KIT: variants seen among roughly 807,000 people sequenced by gnomAD.
The protein encoded by KIT is KIT proto-oncogene, receptor tyrosine kinase.
KIT carries 16 observed loss-of-function variants against 105.7 expected under a neutral mutation model. The ratio of observed to expected loss-of-function variants is 0.15; its 90% confidence interval spans 0.10 to 0.23. KIT has a LOEUF of 0.23. KIT is among the 10% of genes least tolerant of loss of function. The pLI is 1.00. For missense variants in KIT, 858 were observed against 1,213.8 expected, an observed-to-expected ratio of 0.71 and a Z score of 4.36; for synonymous variants, 438 against 441.1, an observed-to-expected ratio of 0.99 and a Z score of 0.09.
At chr4:54,712,730 G>T (rs1370444307) in intron 7 of KIT, among the ~76,000 whole-genome samples, 2 of 152,232 alleles carry the variant, frequency 1.3e-5, no homozygotes, top group East Asian at 3.9e-4. Flanking sequence ...TATCTTCTTG[G>T]ATTGCCTGTA....
At chr4:54,690,180 A>G (rs149537000) in intron 1 of KIT, among the ~76,000 whole-genome samples, 384 of 151,830 alleles carry the variant, frequency 2.5e-3, no homozygotes, top group Non-Finnish European at 4.0e-3. Context: ...CCTTTTGGCT[A>G]TGGTGAATAA....
chr4:54,669,070 T>C (rs1367647609), intron 1 of KIT, among the ~76,000 whole-genome samples: 2 of 152,218 alleles, frequency 1.3e-5, no homozygotes, highest in African/African-American at 2.4e-5. Context: ...ACCTAAAATA[T>C]GTTAGGATAG....
At chr4:54,686,648 G>A (rs775628059) in intron 1 of KIT, among the ~76,000 whole-genome samples, 4 of 152,126 alleles carry the variant, frequency 2.6e-5, no homozygotes, top group Non-Finnish European at 5.9e-5. Context: ...GGGCTTAGGT[G>A]ATCCTCCCAC....
At position 54,740,530 on chromosome 4, in the gene KIT, T is replaced by G. The variant is rs929189121; in HGVS notation, c.*1973T>G. 3.0e-5 allele frequency: 7 copies of G among 233,066 alleles called. No individual in the cohort carries two copies. The highest frequency in any genetic ancestry group is 6.6e-5 in the African/African-American group (3 of 45,324). 14.4% of individuals were successfully genotyped at this position (233,066 alleles called of 1,614,324 possible). The stretch of plus-strand genomic sequence containing the variant: ...TAAATATTGAAATGTAGCAATAATG[T>G]CTTTTGAATATTCCCAAGCCCATGA... On this transcript the variant is annotated 3_prime_UTR_variant, in exon 21 of 21. Transcript: ENST00000288135.
In KIT at chr4:54,722,007, T is replaced by G. The variant is rs143099807; in HGVS notation, c.1232-1577T>G. On this transcript the variant is annotated intron_variant, in intron 7 of 20. Coordinates refer to ENST00000288135, the MANE Select transcript of KIT (RefSeq NM_000222.3). ...CTCAGTATTAATAGTAATAATAAATTTTATTGAGATGGAGTCCCACTCTGT... is the reference window on the plus strand; with the variant it reads ...CTCAGTATTAATAGTAATAATAAATGTTATTGAGATGGAGTCCCACTCTGT... Among the ~76,000 whole-genome samples, 896 of 152,214 alleles carry G rather than the reference T, an allele frequency of 5.9e-3. 12 individuals carry two copies. The highest frequency in any genetic ancestry group is 0.021 in the African/African-American group (856 of 41,534).
intron 15 of KIT, 148 bp downstream of exon 15, chr4:54,731,567 G>A: frequency 1.4e-6 from 1 of 736,344 alleles, no homozygotes; most frequent in Non-Finnish European, 2.4e-6. Context: ...TGGCAGTTAG[G>A]GTTGCAAGTG....
At chr4:54,674,780 T>G (rs1718346786) in intron 1 of KIT, among the ~76,000 whole-genome samples, 1 of 152,232 alleles carries the variant, frequency 6.6e-6, no homozygotes, top group South Asian at 2.1e-4. Context: ...GAAAATATAG[T>G]GGCTGAAATC....
At chr4:54,673,149 C>T (rs1479998160) in intron 1 of KIT, among the ~76,000 whole-genome samples, 2 of 151,952 alleles carry the variant, frequency 1.3e-5, no homozygotes, top group Non-Finnish European at 2.9e-5. Context: ...TATTTTTTTT[C>T]CATAGACACA....
At chr4:54,734,264 T>C (rs1393690969) in intron 17 of KIT, among the ~76,000 whole-genome samples, 1 of 152,188 alleles carries the variant, frequency 6.6e-6, no homozygotes, top group Non-Finnish European at 1.5e-5. Flanking sequence ...GGCCCAGTCT[T>C]GATGAATTCT....
At chr4:54,684,542 A>C (rs1014403556) in intron 1 of KIT, among the ~76,000 whole-genome samples, 1 of 151,750 alleles carries the variant, frequency 6.6e-6, no homozygotes, top group East Asian at 1.9e-4. Flanking sequence ...CATCTCCCCA[A>C]CTCTTCATTC....
chr4:54,729,446 C>T lies in KIT; in HGVS notation c.2102C>T (p.Ala701Val), dbSNP rs2109786828. The stretch of plus-strand genomic sequence containing the variant: ...AAGCAGGAAGATCATGCAGAAGCTG[C>T]ACTTTATAAGAATCTTCTGCATTCA... ...CSKQEDHAEA[A>V]LYKNLLHSKE... The change falls in exon 14 of 21, where the codon GCA becomes GTA. Residue 701 changes from alanine to valine, a missense_variant. By Grantham distance (64) the Ala-to-Val change is moderately conservative. Transcript: ENST00000288135. The T allele has an allele frequency of 6.2e-7, 1 of 1,613,658 alleles. No homozygotes were observed. The highest frequency in any genetic ancestry group is 8.5e-7 in the Non-Finnish European group (1 of 1,179,764).
At position 54,740,253 on chromosome 4, in the gene KIT, T is replaced by C; in HGVS notation, c.*1696T>C. On this transcript the variant is annotated 3_prime_UTR_variant, in exon 21 of 21. Transcript: ENST00000288135. ...CGCACCTTTCCAAAGTTAACAGATT[T>C]TGGGGTTGTGTTGTCACCCAAGAGA... 4.3e-6 allele frequency: 1 copy of C among 233,562 alleles called. No homozygotes were observed. 14.5% of individuals were successfully genotyped at this position (233,562 alleles called of 1,614,324 possible).
intron 8 of KIT, among the ~76,000 whole-genome samples, chr4:54,724,845 A>G (rs902044700): frequency 2.0e-5 from 3 of 152,228 alleles, no homozygotes; most frequent in African/African-American, 4.8e-5. Flanking sequence ...CCTGGGCCAC[A>G]TGTGGGCTGC....
intron 1 of KIT, among the ~76,000 whole-genome samples, chr4:54,694,858 G>A (rs913726377): frequency 1.4e-4 from 21 of 152,132 alleles, no homozygotes; most frequent in African/African-American, 5.1e-4. Flanking sequence ...TAGGGTTCAG[G>A]TTTCATATTC....
At chr4:54,658,211 C>T (rs1716959880) in intron 1 of KIT, 130 bp downstream of exon 1, 2 of 910,162 alleles carry the variant, frequency 2.2e-6, no homozygotes, top group Admixed American at 3.9e-5. Context: ...TTCCAGCCTC[C>T]GGGGAGACTC....
chr4:54,679,457 A>G (rs1173820335), intron 1 of KIT, among the ~76,000 whole-genome samples: 1 of 152,194 alleles, frequency 6.6e-6, no homozygotes, highest in Non-Finnish European at 1.5e-5. Context: ...TTCCTTTGGT[A>G]TAAACCATCC....
At chr4:54,658,946 G>A (rs1717027779) in intron 1 of KIT, among the ~76,000 whole-genome samples, 1 of 152,202 alleles carries the variant, frequency 6.6e-6, no homozygotes, top group Non-Finnish European at 1.5e-5. Context: ...CTCCGGGAAG[G>A]CAAGGGACAG....
intron 4 of KIT, among the ~76,000 whole-genome samples, chr4:54,701,658 G>A (rs1359102452): frequency 6.6e-6 from 1 of 152,088 alleles, no homozygotes; most frequent in Non-Finnish European, 1.5e-5. Context: ...ATTCCTTTCA[G>A]CGCTGACAAG....
intron 20 of KIT, 145 bp from the exon 21 acceptor site, chr4:54,738,284 G>T: frequency 1.1e-6 from 1 of 909,186 alleles, no homozygotes; most frequent in Non-Finnish European, 1.8e-6. Flanking sequence ...AGTATGACTT[G>T]GGTTTTGGCC....
Sources: gnomAD v4.1 joint callset for allele counts (sites outside exome capture counted in the v4.1 genomes callset) on GRCh38, gnomAD v4.1.1 for gene constraint, MANE v1.5 for transcripts, NCBI Gene and HGNC (gene_info 2026-07-23, HGNC 2026-07-21) for gene names.